AFAP1: variants seen among roughly 807,000 people sequenced by gnomAD.
AFAP1 encodes actin filament associated protein 1.
In AFAP1, 75 loss-of-function variants were observed where a neutral mutation model predicts 93.9. That is an observed-to-expected ratio of 0.80 (90% CI 0.66 to 0.97). The LOEUF (loss-of-function observed/expected upper bound fraction) is 0.97, where lower values mean the gene tolerates loss of function less well. AFAP1 is among the 50% of genes least tolerant of loss of function. The probability of loss-of-function intolerance (pLI) is 0.00; values close to 1 mark genes in which losing one functional copy is unlikely to be tolerated. For missense variants in AFAP1, 1,201 were observed against 1,050.8 expected (o/e 1.14, Z -1.98); for synonymous variants, 517 against 430.7 (o/e 1.20, Z -2.48).
chr4:7,920,563 C>A (rs976314383), intron 1 of AFAP1, among the ~76,000 whole-genome samples: 2 of 152,164 alleles, frequency 1.3e-5, no homozygotes, highest in East Asian at 3.8e-4. Context: ...AACTGCTAAA[C>A]TACACTTGCT....
At chr4:7,771,975 C>A (rs1034994994) in intron 16 of AFAP1, among the ~76,000 whole-genome samples, 1 of 152,178 alleles carries the variant, frequency 6.6e-6, no homozygotes, top group Non-Finnish European at 1.5e-5. Context: ...GCCGTCAACC[C>A]ATAAATGTGT....
intron 1 of AFAP1, among the ~76,000 whole-genome samples, chr4:7,885,272 TCA>T (rs903864121): frequency 1.3e-5 from 2 of 152,192 alleles, no homozygotes; most frequent in Non-Finnish European, 2.9e-5. Flanking sequence ...TCTCAATCCC[TCA>T]GTTTCCCACA....
At chr4:7,914,365 T>C (rs1256364823) in intron 1 of AFAP1, among the ~76,000 whole-genome samples, 2 of 152,288 alleles carry the variant, frequency 1.3e-5, no homozygotes, top group East Asian at 3.9e-4. Context: ...TGAAACTATA[T>C]ATATTCTTGT....
At chr4:7,929,888 T>C (rs1449253718) in intron 1 of AFAP1, among the ~76,000 whole-genome samples, 1 of 152,214 alleles carries the variant, frequency 6.6e-6, no homozygotes, top group Non-Finnish European at 1.5e-5. Flanking sequence ...AGGACCGTTA[T>C]AATAGCTTCA....
chr4:7,766,851 G>A (rs183715949), intron 17 of AFAP1, among the ~76,000 whole-genome samples: 1 of 152,268 alleles, frequency 6.6e-6, no homozygotes, highest in African/African-American at 2.4e-5. Context: ...TGGGGCACGG[G>A]ATTGGAAGCC....
rs200729545 is a variant in AFAP1 at position 7,793,672 on chromosome 4, G to A, written c.1412+9C>T. 7.5e-4 allele frequency: 1,140 copies of A among 1,522,188 alleles called. 2 individuals carry two copies. The highest frequency in any genetic ancestry group is 6.6e-4 in the Non-Finnish European group (742 of 1,117,804). 94.3% of individuals were successfully genotyped at this position (1,522,188 alleles called of 1,614,324 possible). ...CTGTGGTGCCATTTCACATGGCAGTGGGTCTTACCAGAAGGTCTGTTTGGC... is the reference window on the plus strand; with the variant it reads ...CTGTGGTGCCATTTCACATGGCAGTAGGTCTTACCAGAAGGTCTGTTTGGC... On this transcript the variant is annotated intron_variant, in intron 11 of 17. Coordinates refer to ENST00000420658, the MANE Select transcript of AFAP1 (RefSeq NM_001134647.2).
chr4:7,834,469 C>T (rs184261369), intron 6 of AFAP1, among the ~76,000 whole-genome samples: 32 of 152,330 alleles, frequency 2.1e-4, no homozygotes, highest in Admixed American at 5.2e-4. Flanking sequence ...AGAACTTACT[C>T]ATGTCACCAA....
At position 7,763,645 on chromosome 4, in the gene AFAP1, G is replaced by T. The variant is rs775189522; in HGVS notation, c.*120C>A. The T allele has an allele frequency of 3.2e-6, 4 of 1,233,442 alleles. No individual in the cohort carries two copies. The highest frequency in any genetic ancestry group is 4.0e-5 in the Admixed American group (2 of 49,496). 76.4% of individuals were successfully genotyped at this position (1,233,442 alleles called of 1,614,324 possible). On this transcript the variant is annotated 3_prime_UTR_variant, in exon 18 of 18. Coordinates refer to ENST00000420658, the MANE Select transcript of AFAP1 (RefSeq NM_001134647.2). Reference sequence around the variant, plus strand: ...CAGGCACTGGCCTCAGAGCTCAGTCGTGGAGCCTCTGGAGTCGTGCAGCTG... The same window carrying T: ...CAGGCACTGGCCTCAGAGCTCAGTCTTGGAGCCTCTGGAGTCGTGCAGCTG...
chr4:7,821,327 G>A (rs1720955732), intron 6 of AFAP1, among the ~76,000 whole-genome samples: 2 of 152,210 alleles, frequency 1.3e-5, no homozygotes, highest in African/African-American at 2.4e-5. Flanking sequence ...AACCATGGAA[G>A]CAACACCGTC....
chr4:7,878,205 G>A (rs1717628651), intron 1 of AFAP1, among the ~76,000 whole-genome samples: 2 of 152,204 alleles, frequency 1.3e-5, no homozygotes, highest in East Asian at 1.9e-4. Flanking sequence ...AAGGTCTGGT[G>A]AAATATGTGT....
intron 10 of AFAP1, among the ~76,000 whole-genome samples, chr4:7,797,718 C>G (rs547327884): frequency 6.6e-6 from 1 of 152,188 alleles, no homozygotes; most frequent in African/African-American, 2.4e-5. Context: ...GGACTCAGAC[C>G]AGCATGCTGT....
chr4:7,872,228 G>T lies in AFAP1; in HGVS notation c.-2-148C>A, dbSNP rs921853009. 28 of 968,556 alleles carry T rather than the reference G, an allele frequency of 2.9e-5. No individual in the cohort carries two copies. The African/African-American group carries it at 4.5e-4, about 16-fold the overall frequency. 60.0% of individuals were successfully genotyped at this position (968,556 alleles called of 1,614,324 possible). On this transcript the variant is annotated intron_variant, in intron 1 of 17. Transcript: ENST00000420658. ...TAAAAAACAAGTTTGCTGAAAGCAG[G>T]TCCACTAAAAGATTCAGGCGTCTTC...
At chr4:7,778,989 C>T in intron 13 of AFAP1, 113 bp from the exon 14 acceptor site, 1 of 793,214 alleles carries the variant, frequency 1.3e-6, no homozygotes, top group Non-Finnish European at 2.0e-6. Flanking sequence ...TAGAAACTGG[C>T]ATAGATGGAG....
intron 5 of AFAP1, among the ~76,000 whole-genome samples, chr4:7,841,011 TCTTC>T (rs766399007): frequency 1.3e-5 from 2 of 152,212 alleles, no homozygotes; most frequent in African/African-American, 2.4e-5. Flanking sequence ...TATAACATAT[TCTTC>T]CTTAAGTTAA....
intron 10 of AFAP1, among the ~76,000 whole-genome samples, chr4:7,796,058 T>C (rs906331045): frequency 2.0e-5 from 3 of 152,120 alleles, no homozygotes; most frequent in African/African-American, 7.2e-5. Flanking sequence ...TATAAACGTG[T>C]GAATGTGTGT....
chr4:7,832,264 A>C (rs529358322), intron 6 of AFAP1, among the ~76,000 whole-genome samples: 1 of 152,046 alleles, frequency 6.6e-6, no homozygotes, highest in Non-Finnish European at 1.5e-5. Flanking sequence ...TCTGGAGGGG[A>C]AAAAAGCTCT....
Position 7,762,680 on chromosome 4 carries a change from C to A in AFAP1, c.*1085G>T, listed in dbSNP as rs1318281797. The A allele has an allele frequency of 6.6e-6, 1 of 152,260 alleles. No individual in the cohort carries two copies. Among genetic ancestry groups the A allele is most frequent in the Non-Finnish European group, 1.5e-5 (1 of 68,082 alleles). The allele number at this position is 152,260 out of a possible 1,614,324, so 9.4% of individuals were successfully genotyped here. A position where few individuals can be genotyped will look rare whatever the true frequency, so the allele number is the denominator to read the frequency against. ...ACCCTACTCAGGAGAGGCAGCACGG[C>A]CAGGCCCACCAACACATTAGTGGTT... On this transcript the variant is annotated 3_prime_UTR_variant, in exon 18 of 18. Transcript: ENST00000420658.
chr4:7,893,858 G>A (rs34652148), intron 1 of AFAP1, among the ~76,000 whole-genome samples: 17,288 of 152,182 alleles, frequency 0.11, 1,151 homozygotes, highest in Non-Finnish European at 0.16. Context: ...ACACCAGGGC[G>A]AGGGTGTTTC....
intron 1 of AFAP1, among the ~76,000 whole-genome samples, chr4:7,894,939 C>A (rs1195599452): frequency 6.6e-6 from 1 of 152,212 alleles, no homozygotes; most frequent in Admixed American, 6.5e-5. Context: ...CCCCTGGCTC[C>A]CCAGGCAGAT....
Sources: allele counts gnomAD v4.1 joint callset (sites outside exome capture counted in the v4.1 genomes callset), GRCh38; gene constraint gnomAD v4.1.1; transcripts MANE v1.5; gene names NCBI Gene and HGNC (gene_info 2026-07-23, HGNC 2026-07-21).